LNX1: variants seen among roughly 807,000 people sequenced by gnomAD.
The protein encoded by LNX1 is E3 ubiquitin-protein ligase LNX.
LNX1 carries 54 observed loss-of-function variants against 68.4 expected under a neutral mutation model. The ratio of observed to expected loss-of-function variants is 0.79; its 90% CI spans 0.63 to 0.99. LNX1 has a LOEUF of 0.99. Ranked by LOEUF, LNX1 falls within the 50% of genes least tolerant of loss-of-function variation. The pLI is 0.00. For synonymous variants in LNX1, 336 were observed against 350.0 expected (o/e 0.96, Z 0.45); for missense variants, 906 against 926.4 (o/e 0.98, Z 0.29).
chr4:53,643,711 T>C (rs1256585790), intron 1 of LNX1, among the ~76,000 whole-genome samples: 4 of 152,234 alleles, frequency 2.6e-5, no homozygotes, highest in African/African-American at 9.6e-5. Context: ...ACCCAGGTCC[T>C]GCTGCCTGGT....
chr4:53,520,492 C>T (rs1311948202), intron 2 of LNX1, among the ~76,000 whole-genome samples: 1 of 152,144 alleles, frequency 6.6e-6, no homozygotes, highest in African/African-American at 2.4e-5. Context: ...TTTGGGGTCA[C>T]CGAGTTCATT....
At chr4:53,537,261 A>C (rs1728439814) in intron 2 of LNX1, among the ~76,000 whole-genome samples, 1 of 152,236 alleles carries the variant, frequency 6.6e-6, no homozygotes, top group Admixed American at 6.5e-5. Flanking sequence ...AAAGGAAGTA[A>C]AAGCATTCCT....
At chr4:53,537,548 T>G (rs1462078043) in intron 2 of LNX1, among the ~76,000 whole-genome samples, 1 of 152,190 alleles carries the variant, frequency 6.6e-6, no homozygotes, top group Non-Finnish European at 1.5e-5. Context: ...TGGACATTTT[T>G]TATGTTCCTT....
Position 53,551,734 on chromosome 4 carries a change from C to T in LNX1, c.380+21889G>A, listed in dbSNP as rs186439037. 2.0e-5 allele frequency among the ~76,000 whole-genome samples: 3 copies of T among 152,288 alleles called. No homozygotes were observed. The East Asian group carries it at 5.8e-4, about 29-fold the overall frequency. Reference sequence around the variant, plus strand: ...GATCTCAAGTCACCCGCTTGGCCCTCTTCTAAGTGTACTTCCTTTTGTTCC... The same window carrying T: ...GATCTCAAGTCACCCGCTTGGCCCTTTTCTAAGTGTACTTCCTTTTGTTCC... On this transcript the variant is annotated intron_variant, in intron 2 of 10. Coordinates refer to ENST00000263925, the MANE Select transcript of LNX1 (RefSeq NM_001126328.3).
intron 9 of LNX1, among the ~76,000 whole-genome samples, chr4:53,472,886 A>G (rs28414913): frequency 0.56 from 84,351 of 151,806 alleles, 25,279 homozygotes; most frequent in Non-Finnish European, 0.67. Context: ...AAAGCTGGAA[A>G]AGGCTAAGGT....
At chr4:53,495,899 C>G in intron 6 of LNX1, 124 bp downstream of exon 6, 1 of 1,180,950 alleles carries the variant, frequency 8.5e-7, no homozygotes, top group Non-Finnish European at 1.2e-6. Context: ...TCCATCCTGA[C>G]TCCTTGAAAG....
chr4:53,552,708 A>T (rs1431489266), intron 2 of LNX1, among the ~76,000 whole-genome samples: 1 of 151,814 alleles, frequency 6.6e-6, no homozygotes, highest in African/African-American at 2.4e-5. Flanking sequence ...AGGTGCCTGT[A>T]GTCCCAGCTA....
intron 2 of LNX1, among the ~76,000 whole-genome samples, chr4:53,510,279 G>A (rs1404862483): frequency 3.9e-5 from 6 of 152,094 alleles, no homozygotes; most frequent in Non-Finnish European, 5.9e-5. Context: ...TGGTGTTTGG[G>A]GATTATTTAA....
chr4:53,561,470 C>A (rs1325481841), intron 2 of LNX1, among the ~76,000 whole-genome samples: 1 of 152,156 alleles, frequency 6.6e-6, no homozygotes, highest in African/African-American at 2.4e-5. Flanking sequence ...TCATGATCCG[C>A]CCACGTCATC....
At chr4:53,584,383 C>T (rs1246619617) in intron 1 of LNX1, among the ~76,000 whole-genome samples, 1 of 151,744 alleles carries the variant, frequency 6.6e-6, no homozygotes, top group Non-Finnish European at 1.5e-5. Context: ...AGAGTTTATC[C>T]ACAGGAAAAA....
At chr4:53,471,378 C>G (rs1266252215) in intron 9 of LNX1, among the ~76,000 whole-genome samples, 1 of 151,974 alleles carries the variant, frequency 6.6e-6, no homozygotes, top group African/African-American at 2.4e-5. Flanking sequence ...GACCTAAAAC[C>G]ATAAAAACCC....
intron 2 of LNX1, among the ~76,000 whole-genome samples, chr4:53,550,012 A>T (rs977562259): frequency 2.0e-5 from 3 of 152,164 alleles, no homozygotes; most frequent in African/African-American, 7.2e-5. Flanking sequence ...CAGGGAGTGA[A>T]CAGCTTGGAA....
At chr4:53,601,239 T>C (rs1733001067) in intron 2 of LNX1, among the ~76,000 whole-genome samples, 1 of 152,074 alleles carries the variant, frequency 6.6e-6, no homozygotes, top group African/African-American at 2.4e-5. Flanking sequence ...CCTAAGTTCC[T>C]TGTTTGTGAT....
intron 6 of LNX1, among the ~76,000 whole-genome samples, chr4:53,490,561 C>A (rs770904883): frequency 1.3e-5 from 2 of 152,148 alleles, no homozygotes; most frequent in Non-Finnish European, 2.9e-5. Context: ...TAAAGCTGGT[C>A]AAATATAAAA....
At chr4:53,477,184 GT>G (rs1364655857) in intron 8 of LNX1, among the ~76,000 whole-genome samples, 1 of 150,584 alleles carries the variant, frequency 6.6e-6, no homozygotes, top group African/African-American at 2.4e-5. Context: ...CTTGTTTGGG[GT>G]TTTCTAAAGC....
At chr4:53,583,186 CATACACA>C (rs1731943501) in intron 1 of LNX1, among the ~76,000 whole-genome samples, 1 of 152,148 alleles carries the variant, frequency 6.6e-6, no homozygotes, top group Non-Finnish European at 1.5e-5. Flanking sequence ...TGTAAATGAA[CATACACA>C]GAGGATGGGC....
intron 6 of LNX1, among the ~76,000 whole-genome samples, chr4:53,491,398 C>T (rs1409416522): frequency 1.3e-5 from 2 of 152,156 alleles, no homozygotes; most frequent in Admixed American, 6.5e-5. Flanking sequence ...GATTGGCCGG[C>T]TAATGCCACC....
intron 2 of LNX1, among the ~76,000 whole-genome samples, chr4:53,528,692 C>T (rs549620593): frequency 6.6e-6 from 1 of 151,718 alleles, no homozygotes; most frequent in Non-Finnish European, 1.5e-5. Flanking sequence ...GGGGGGACTA[C>T]TGTATAGCCT....
upstream of LNX1, among the ~76,000 whole-genome samples, chr4:53,619,319 T>C (rs1440229928): frequency 6.6e-5 from 10 of 152,134 alleles, no homozygotes; most frequent in African/African-American, 2.4e-4. Flanking sequence ...CCCAAAGAAA[T>C]CCCATACCTT....
Sources: gnomAD v4.1 joint callset for allele counts (sites outside exome capture counted in the v4.1 genomes callset) on GRCh38, gnomAD v4.1.1 for gene constraint, MANE v1.5 for transcripts, NCBI Gene and HGNC (gene_info 2026-07-23, HGNC 2026-07-21) for gene names.